The following ZDHHC14 variants were observed in gnomAD, a reference collection of about 807,000 sequenced individuals.
ZDHHC14 encodes the protein zDHHC palmitoyltransferase 14, also known as palmitoyltransferase ZDHHC14.
A neutral mutation model predicts 47.7 loss-of-function variants in ZDHHC14; 16 were observed. The ratio of observed to expected loss-of-function variants is 0.34; its 90% CI spans 0.23 to 0.51. The LOEUF (loss-of-function observed/expected upper bound fraction) is 0.51, where lower values mean the gene tolerates loss of function less well. ZDHHC14 is among the 20% of genes least tolerant of loss of function. ZDHHC14 has a pLI of 0.97. For synonymous variants in ZDHHC14, 293 were observed against 278.9 expected (o/e 1.05, Z -0.50); for missense variants, 515 against 662.5 (o/e 0.78, Z 2.44).
chr6:157,490,948 G>GA (rs1779898785), intron 1 of ZDHHC14, among the ~76,000 whole-genome samples: 2 of 152,062 alleles, frequency 1.3e-5, no homozygotes, highest in African/African-American at 4.8e-5. Flanking sequence ...GCATATAAGA[G>GA]AATCAAAGCA....
At chr6:157,449,329 G>T (rs1023511366) in intron 1 of ZDHHC14, among the ~76,000 whole-genome samples, 2 of 152,154 alleles carry the variant, frequency 1.3e-5, no homozygotes, top group African/African-American at 4.8e-5. Context: ...ACTATACGCG[G>T]TATATTATAT....
chr6:157,637,466 G>A (rs898681079), intron 5 of ZDHHC14, among the ~76,000 whole-genome samples: 4 of 152,290 alleles, frequency 2.6e-5, no homozygotes, highest in Admixed American at 2.6e-4. Flanking sequence ...TGTTGGGGTG[G>A]CTGGTTTATG....
intron 3 of ZDHHC14, among the ~76,000 whole-genome samples, chr6:157,597,630 T>A (rs1429528549): frequency 6.6e-6 from 1 of 152,244 alleles, no homozygotes; most frequent in Admixed American, 6.5e-5. Flanking sequence ...AGAGGTGGCC[T>A]CTGGAGGCAG....
chr6:157,442,140 C>G (rs1157979617), intron 1 of ZDHHC14, among the ~76,000 whole-genome samples: 1 of 152,068 alleles, frequency 6.6e-6, no homozygotes, highest in Non-Finnish European at 1.5e-5. Flanking sequence ...CCTGTAATCC[C>G]AAGCATTTTT....
At chr6:157,618,487 A>G (rs916435792) in intron 3 of ZDHHC14, among the ~76,000 whole-genome samples, 1 of 152,004 alleles carries the variant, frequency 6.6e-6, no homozygotes, top group African/African-American at 2.4e-5. Context: ...ACACCCAGCT[A>G]ATTTTTGTAT....
chr6:157,515,666 C>G (rs1038431240), intron 1 of ZDHHC14, among the ~76,000 whole-genome samples: 1 of 151,810 alleles, frequency 6.6e-6, no homozygotes, highest in Non-Finnish European at 1.5e-5. Flanking sequence ...GGGGTTTCAC[C>G]GTGTTAGCCT....
chr6:157,383,225 G>A (rs957771603), intron 1 of ZDHHC14, among the ~76,000 whole-genome samples: 10 of 152,308 alleles, frequency 6.6e-5, no homozygotes, highest in African/African-American at 2.2e-4. Flanking sequence ...CATTTGGAAT[G>A]CAACTCCTTA....
At chr6:157,640,997 C>T (rs1777221943) in intron 5 of ZDHHC14, among the ~76,000 whole-genome samples, 1 of 152,150 alleles carries the variant, frequency 6.6e-6, no homozygotes, top group Non-Finnish European at 1.5e-5. Context: ...GAGGACTTTA[C>T]CTAAAAAGGA....
chr6:157,630,393 C>T (rs1420479916), intron 4 of ZDHHC14: 1 of 152,076 alleles, frequency 6.6e-6, no homozygotes, highest in South Asian at 2.1e-4. Flanking sequence ...CCAGTTGCCA[C>T]GTGCTTAGTC....
intron 1 of ZDHHC14, among the ~76,000 whole-genome samples, chr6:157,418,446 G>T (rs1331720602): frequency 6.6e-6 from 1 of 152,202 alleles, no homozygotes. Context: ...GTTGCACTTT[G>T]CTTTCTAGAG....
chr6:157,544,675 C>A (rs112770188), intron 2 of ZDHHC14, among the ~76,000 whole-genome samples: 155 of 151,582 alleles, frequency 1.0e-3, no homozygotes, highest in African/African-American at 2.8e-3. Context: ...CAACAACAAC[C>A]AAAAAATAGA....
chr6:157,575,272 T>A (rs1783263237), intron 2 of ZDHHC14, among the ~76,000 whole-genome samples: 2 of 152,270 alleles, frequency 1.3e-5, no homozygotes, highest in African/African-American at 2.4e-5. Flanking sequence ...CTGATTTAAA[T>A]GTTAATCTCA....
chr6:157,458,424 A>T (rs1778981296), intron 1 of ZDHHC14, among the ~76,000 whole-genome samples: 1 of 152,238 alleles, frequency 6.6e-6, no homozygotes, highest in Non-Finnish European at 1.5e-5. Context: ...ACATTGCTTG[A>T]TATAATCACA....
chr6:157,635,056 C>T (rs1316031504), intron 5 of ZDHHC14, among the ~76,000 whole-genome samples: 2 of 152,150 alleles, frequency 1.3e-5, no homozygotes, highest in Non-Finnish European at 2.9e-5. Flanking sequence ...TGCACTGGCA[C>T]GATCTCGGCT....
At chr6:157,503,610 T>C (rs1780239173) in intron 1 of ZDHHC14, among the ~76,000 whole-genome samples, 1 of 152,158 alleles carries the variant, frequency 6.6e-6, no homozygotes, top group Admixed American at 6.5e-5. Flanking sequence ...TTGATTTTCA[T>C]CCTCCTATTG....
chr6:157,471,703 C>A (rs545539805), intron 1 of ZDHHC14, among the ~76,000 whole-genome samples: 1 of 152,278 alleles, frequency 6.6e-6, no homozygotes, highest in South Asian at 2.1e-4. Context: ...TCTTGGAAGC[C>A]GGACAAGAGG....
intron 2 of ZDHHC14, among the ~76,000 whole-genome samples, chr6:157,579,040 C>T (rs1783411034): frequency 6.6e-6 from 1 of 152,026 alleles, no homozygotes; most frequent in Admixed American, 6.6e-5. Flanking sequence ...TTAGGATTGC[C>T]TTGGCTATTC....
chr6:157,432,191 G>A (rs554790541), intron 1 of ZDHHC14, among the ~76,000 whole-genome samples: 4 of 152,286 alleles, frequency 2.6e-5, no homozygotes, highest in South Asian at 2.1e-4. Flanking sequence ...GTGAGGTGCC[G>A]TTGGAGGCTT....
chr6:157,381,916 G>T lies in ZDHHC14; in HGVS notation c.-106G>T, dbSNP rs1354456658. On this transcript the variant is annotated 5_prime_UTR_variant, in exon 1 of 9. Transcript: ENST00000359775. ...GAGCCCGTGTAGGGGCCGCGGCGCC[G>T]CGGCTCGGGGGGCGGCCGGGCGGCC... 1.1e-6 allele frequency: 1 copy of T among 947,862 alleles called. No homozygotes were observed. The highest frequency in any genetic ancestry group is 1.8e-5 in the African/African-American group (1 of 55,152). 58.7% of individuals were successfully genotyped at this position (947,862 alleles called of 1,614,324 possible).
Sources: gnomAD v4.1 joint callset for allele counts (sites outside exome capture counted in the v4.1 genomes callset) on GRCh38, gnomAD v4.1.1 for gene constraint, MANE v1.5 for transcripts, NCBI Gene and HGNC (gene_info 2026-07-23, HGNC 2026-07-21) for gene names.